STX3: variants seen among roughly 807,000 people sequenced by gnomAD.
STX3 encodes syntaxin 3.
In STX3, 19 loss-of-function variants were observed where a neutral mutation model predicts 40.2. The ratio of observed to expected loss-of-function variants is 0.47; its 90% CI spans 0.33 to 0.69. STX3 has a LOEUF of 0.69. Ranked by LOEUF, STX3 falls within the 30% of genes least tolerant of loss-of-function variation. The probability of loss-of-function intolerance (pLI) is 0.02; values close to 1 mark genes in which losing one functional copy is unlikely to be tolerated. For missense variants in STX3, 364 were observed against 366.7 expected (o/e 0.99, Z 0.06); for synonymous variants, 122 against 132.2 (o/e 0.92, Z 0.53).
chr11:59,758,514 T>C (rs1390055860), intron 1 of STX3, among the ~76,000 whole-genome samples: 1 of 152,218 alleles, frequency 6.6e-6, no homozygotes, highest in Non-Finnish European at 1.5e-5. Context: ...ACCACTGTTA[T>C]TGTTAGTTCC....
intron 2 of STX3, among the ~76,000 whole-genome samples, chr11:59,786,595 C>G (rs368575374): frequency 6.6e-6 from 1 of 152,046 alleles, no homozygotes; most frequent in South Asian, 2.1e-4. Context: ...GTTTTTCACT[C>G]TCTAGGTTTG....
At chr11:59,788,165 C>G (rs1864894648) in intron 3 of STX3, among the ~76,000 whole-genome samples, 1 of 152,208 alleles carries the variant, frequency 6.6e-6, no homozygotes, top group South Asian at 2.1e-4. Context: ...GAGACTCAGT[C>G]CTGCTCATCT....
rs114058910 is a variant in STX3, at chr11:59,795,156, C to A, written c.676-216C>A. On this transcript the variant is annotated intron_variant, in intron 8 of 10. Transcript: ENST00000337979. Reference sequence around the variant, plus strand: ...TGGATGCCTGGTGGAGTGCTGGTCACAGAGAAGTAGTAAAATTCACTGAAT... The same window carrying A: ...TGGATGCCTGGTGGAGTGCTGGTCAAAGAGAAGTAGTAAAATTCACTGAAT... Among the ~76,000 whole-genome samples the A allele has an allele frequency of 6.6e-3, 1,001 of 152,246 alleles. 9 individuals are homozygous for A. The highest frequency in any genetic ancestry group is 0.022 in the African/African-American group (912 of 41,534).
Position 59,797,307 on chromosome 11 carries a change from G to A in STX3, c.811G>A (p.Val271Ile), listed in dbSNP as rs1181304934. 6.2e-7 allele frequency: 1 copy of A among 1,613,986 alleles called. No homozygotes were observed. Among genetic ancestry groups the A allele is most frequent in the Non-Finnish European group, 8.5e-7 (1 of 1,179,888 alleles). Residue 271 changes from valine (V) to isoleucine (I), a missense_variant, in exon 10 of 11, where the codon GTA becomes ATA. Transcript: ENST00000337979. The stretch of plus-strand genomic sequence containing the variant: ...GAAATTGATAATTATCATTGTGCTA[G>A]TAGTTGTGTTGCTGGGCATTTTAGC... ...RKKLIIIIVL[V>I]VVLLGILALI...
rs201163187 is a variant in STX3 at position 59,770,511 on chromosome 11, C to G, written c.31-2700C>G. ...ACTCCCTAAAAAGCTTATTGACTCA[C>G]TCTCCTAGAGGAAGACCGGGTCACA... is the stretch of plus-strand genomic sequence containing the variant. On this transcript the variant is annotated intron_variant, in intron 1 of 10. Transcript: ENST00000337979. 1.3e-5 allele frequency among the ~76,000 whole-genome samples: 2 copies of G among 152,134 alleles called. 1 individual carries two copies. Among genetic ancestry groups the G allele is most frequent in the East Asian group, 3.9e-4 (2 of 5,180 alleles).
chr11:59,787,132 G>A lies in STX3; in HGVS notation c.210G>A (p.Glu70=). 1 of 1,613,832 alleles carries A rather than the reference G, an allele frequency of 6.2e-7. No homozygotes were observed. Among genetic ancestry groups the A allele is most frequent in the Non-Finnish European group, 8.5e-7 (1 of 1,179,760 alleles). The change falls in exon 3 of 11, where the codon GAG becomes GAA. Residue 70 remains glutamate (E), a synonymous_variant. Transcript: ENST00000337979. The part of the protein sequence containing the change: ...YSIILSAPIP[E]PKTKDDLEQL... ...TCATTCTCTCTGCACCGATTCCAGA[G>A]CCAAGTGAGTGTTTACTTAGAACTG...
chr11:59,756,435 A>C (rs540089364), intron 1 of STX3, among the ~76,000 whole-genome samples: 1 of 152,282 alleles, frequency 6.6e-6, no homozygotes, highest in South Asian at 2.1e-4. Flanking sequence ...ATAATTATTG[A>C]GTGTATTCTA....
At chr11:59,760,344 A>G (rs1035144409) in intron 1 of STX3, among the ~76,000 whole-genome samples, 2 of 151,744 alleles carry the variant, frequency 1.3e-5, no homozygotes, top group Non-Finnish European at 2.9e-5. Context: ...TGTAACTGCA[A>G]CTTAGAATAC....
At chr11:59,774,521 C>A (rs1863846047) in intron 2 of STX3, among the ~76,000 whole-genome samples, 1 of 151,880 alleles carries the variant, frequency 6.6e-6, no homozygotes, top group Non-Finnish European at 1.5e-5. Flanking sequence ...CAAAAATCCC[C>A]ATTGAGTTGC....
chr11:59,790,234 G>A (rs959584453), intron 4 of STX3, among the ~76,000 whole-genome samples: 4 of 152,178 alleles, frequency 2.6e-5, no homozygotes, highest in Non-Finnish European at 5.9e-5. Context: ...GGGGTTAAGT[G>A]GCTTTTTCAA....
rs1362760872 is a variant in STX3 at position 59,755,513 on chromosome 11, G to A, written c.-93G>A. ...CCAGCTCCTTCGCCCCGGCGGGCCC[G>A]GCCGCCGCTTCCGGCAGCTCACCTG... On this transcript the variant is annotated 5_prime_UTR_variant, in exon 1 of 11. Transcript: ENST00000337979. The A allele has an allele frequency of 9.1e-6, 13 of 1,425,826 alleles. No individual in the cohort carries two copies. Among genetic ancestry groups the A allele is most frequent in the Non-Finnish European group, 1.1e-5 (12 of 1,094,488 alleles). The allele number at this position is 1,425,826 out of a possible 1,614,324, so 88.3% of individuals were successfully genotyped here.
chr11:59,770,944 G>A (rs906772336), intron 1 of STX3, among the ~76,000 whole-genome samples: 1 of 152,038 alleles, frequency 6.6e-6, no homozygotes, highest in African/African-American at 2.4e-5. Context: ...GCAGCTCTGG[G>A]AATTTCATGG....
intron 5 of STX3, among the ~76,000 whole-genome samples, chr11:59,791,642 G>T (rs966311448): frequency 1.3e-5 from 2 of 152,148 alleles, no homozygotes; most frequent in African/African-American, 4.8e-5. Flanking sequence ...TTATTAGGAA[G>T]GTTTTAGCTT....
At chr11:59,773,145 A>G (rs1863754090) in intron 1 of STX3, 66 bp from the exon 2 acceptor site, 3 of 1,474,836 alleles carry the variant, frequency 2.0e-6, no homozygotes, top group Non-Finnish European at 2.8e-6. Flanking sequence ...GTACTTCGTG[A>G]GCATTCAATA....
chr11:59,755,620 G>A lies in STX3; in HGVS notation c.15G>A (p.Leu5=), dbSNP rs1222185860. The change falls in exon 1 of 11, where the codon CTG becomes CTA. Residue 5 remains leucine (L), a synonymous_variant. Coordinates refer to ENST00000337979, the MANE Select transcript of STX3 (RefSeq NM_004177.5). Reference sequence around the variant, plus strand: ...TGGGCTTCAGGATGAAGGACCGTCTGGAGCAGCTGAAGGCCGTGAGTTTCG... The same window carrying A: ...TGGGCTTCAGGATGAAGGACCGTCTAGAGCAGCTGAAGGCCGTGAGTTTCG... MKDR[L]EQLKAKQLTQ... 1.3e-6 allele frequency: 2 copies of A among 1,595,222 alleles called. No individual in the cohort carries two copies. Among genetic ancestry groups the A allele is most frequent in the African/African-American group, 1.3e-5 (1 of 74,240 alleles).
At chr11:59,756,470 G>A (rs1862723922) in intron 1 of STX3, among the ~76,000 whole-genome samples, 1 of 152,214 alleles carries the variant, frequency 6.6e-6, no homozygotes, top group Non-Finnish European at 1.5e-5. Context: ...GCTAAGCCTT[G>A]GAGATTCAGT....
chr11:59,802,643 G>C lies in STX3; in HGVS notation c.*1819G>C. 2.0e-6 allele frequency: 2 copies of C among 985,752 alleles called. No individual in the cohort carries two copies. Among genetic ancestry groups the C allele is most frequent in the Non-Finnish European group, 2.4e-6 (2 of 829,858 alleles). 61.1% of individuals were successfully genotyped at this position (985,752 alleles called of 1,614,324 possible). A position where few individuals can be genotyped will look rare whatever the true frequency, so the allele number is the denominator to read the frequency against. On this transcript the variant is annotated 3_prime_UTR_variant, in exon 11 of 11. Transcript: ENST00000337979. Reference sequence around the variant, plus strand: ...TTTTTGTTGTTGTTTGTATTTTTTAGATGTAAACTTGATTATTTTATTGCT... The same window carrying C: ...TTTTTGTTGTTGTTTGTATTTTTTACATGTAAACTTGATTATTTTATTGCT...
At chr11:59,781,530 T>C in intron 2 of STX3, 4 of 1,613,664 alleles carry the variant, frequency 2.5e-6, no homozygotes, top group South Asian at 2.2e-5. Context: ...ACAAGAAAAC[T>C]GTGTTGTTTT....
Position 59,803,074 on chromosome 11 carries a change from A to G in STX3, c.*2250A>G. ...CATTTCTGTTGGCATTCTGGGTCCT[A>G]GAAGCCAGATCCATCTCCTTTTTCC... On this transcript the variant is annotated 3_prime_UTR_variant, in exon 11 of 11. Coordinates refer to ENST00000337979, the MANE Select transcript of STX3 (RefSeq NM_004177.5). 1 of 1,226,798 alleles carries G rather than the reference A, an allele frequency of 8.2e-7. No homozygotes were observed. Among genetic ancestry groups the G allele is most frequent in the East Asian group, 3.2e-5 (1 of 31,506 alleles). The allele number at this position is 1,226,798 out of a possible 1,614,324, so 76.0% of individuals were successfully genotyped here. A position where few individuals can be genotyped will look rare whatever the true frequency, so the allele number is the denominator to read the frequency against.
Sources: gnomAD v4.1 joint callset for allele counts (sites outside exome capture counted in the v4.1 genomes callset) on GRCh38, gnomAD v4.1.1 for gene constraint, MANE v1.5 for transcripts, NCBI Gene and HGNC (gene_info 2026-07-23, HGNC 2026-07-21) for gene names.